TENM4: variants seen among roughly 807,000 people sequenced by gnomAD.
The protein encoded by TENM4 is teneurin transmembrane protein 4, also known as teneurin-4.
TENM4 carries 82 observed loss-of-function variants against 243.3 expected under a neutral mutation model. The ratio of observed to expected loss-of-function variants is 0.34; its 90% CI spans 0.28 to 0.40. TENM4 has a LOEUF of 0.40. TENM4 is among the 10% of genes least tolerant of loss of function. TENM4 has a pLI of 1.00. For missense variants in TENM4, 3,138 were observed against 3,673.3 expected, an observed-to-expected ratio of 0.85 and a Z score of 3.77; for synonymous variants, 1,412 against 1,456.3, an observed-to-expected ratio of 0.97 and a Z score of 0.69.
intron 1 of TENM4, among the ~76,000 whole-genome samples, chr11:79,341,769 A>G (rs1340696953): frequency 6.6e-6 from 1 of 152,226 alleles, no homozygotes; most frequent in African/African-American, 2.4e-5. Context: ...CTTTTCATCA[A>G]ACTAGATTAT....
intron 6 of TENM4, among the ~76,000 whole-genome samples, chr11:78,953,121 C>T (rs981287841): frequency 1.3e-5 from 2 of 152,152 alleles, no homozygotes; most frequent in African/African-American, 4.8e-5. Flanking sequence ...GAAAAAGCAT[C>T]ACAGCGTTTC....
intron 4 of TENM4, among the ~76,000 whole-genome samples, chr11:79,117,441 G>A (rs1861646483): frequency 1.3e-5 from 2 of 152,190 alleles, no homozygotes; most frequent in Non-Finnish European, 2.9e-5. Context: ...GATCATGACA[G>A]AGCCTTGCCT....
chr11:78,974,355 A>G (rs1271566999), intron 6 of TENM4, among the ~76,000 whole-genome samples: 1 of 152,218 alleles, frequency 6.6e-6, no homozygotes, highest in Non-Finnish European at 1.5e-5. Context: ...CCAGGAGGGT[A>G]ATAGCCATCA....
At chr11:79,015,972 G>C (rs1280541848) in intron 6 of TENM4, among the ~76,000 whole-genome samples, 1 of 152,138 alleles carries the variant, frequency 6.6e-6, no homozygotes, top group African/African-American at 2.4e-5. Flanking sequence ...CCAGGAAGGG[G>C]AAGAGCATAT....
At chr11:78,974,729 T>C (rs1276211763) in intron 6 of TENM4, among the ~76,000 whole-genome samples, 1 of 150,954 alleles carries the variant, frequency 6.6e-6, no homozygotes, top group African/African-American at 2.4e-5. Flanking sequence ...TTTTCTTTTT[T>C]TTTTTTTTTG....
At chr11:79,356,148 C>A (rs1264765598) in intron 1 of TENM4, among the ~76,000 whole-genome samples, 2 of 152,152 alleles carry the variant, frequency 1.3e-5, no homozygotes, top group South Asian at 2.1e-4. Context: ...CAGATCCCTG[C>A]CTTGCATCTG....
At chr11:78,954,456 A>G (rs528470329) in intron 6 of TENM4, among the ~76,000 whole-genome samples, 2 of 152,304 alleles carry the variant, frequency 1.3e-5, no homozygotes, top group South Asian at 2.1e-4. Flanking sequence ...AATAGCTTCT[A>G]TTTTCTTTCA....
At chr11:79,316,082 G>T (rs923555658) in intron 1 of TENM4, among the ~76,000 whole-genome samples, 4 of 152,168 alleles carry the variant, frequency 2.6e-5, no homozygotes, top group African/African-American at 9.7e-5. Flanking sequence ...ATGTCTGAAA[G>T]GCGCTGCTTG....
At position 78,666,946 on chromosome 11, in the gene TENM4, TG is replaced by T. The variant is rs1307766381; in HGVS notation, c.7408+1990del. 5.9e-5 allele frequency among the ~76,000 whole-genome samples: 9 copies of T among 152,146 alleles called. No homozygotes were observed. In the East Asian group the frequency reaches 7.7e-4, roughly 13 times the overall value. ...GGAGTAATATTTTGGAAAGATGCAA[TG>T]TTTTTTTTGATAGAAAAGTACATTT... On this transcript the variant is annotated intron_variant, in intron 32 of 33. Transcript: ENST00000278550.
rs1859306833 is a variant in TENM4 at position 78,708,377 on chromosome 11, A to G, written c.4193T>C (p.Val1398Ala). ...CCATCTTACCTGGGAAATATCCATG[A>G]CAGAATCACAGCTGAGTGGCCGGGC... is the stretch of plus-strand genomic sequence containing the variant. ...TSARPLSCDS[V>A]MDISQVHLEW... Residue 1398 changes from valine (V) to alanine (A), a missense_variant, in exon 27 of 34, where the codon GTC becomes GCC. Coordinates refer to ENST00000278550, the MANE Select transcript of TENM4 (RefSeq NM_001098816.3). 6.2e-7 allele frequency: 1 copy of G among 1,613,946 alleles called. No individual in the cohort carries two copies. Among genetic ancestry groups the G allele is most frequent in the Non-Finnish European group, 8.5e-7 (1 of 1,179,910 alleles).
chr11:79,177,564 A>G (rs1020019948), intron 3 of TENM4, among the ~76,000 whole-genome samples: 5 of 152,162 alleles, frequency 3.3e-5, no homozygotes, highest in Non-Finnish European at 7.4e-5. Flanking sequence ...ATAACAAACA[A>G]AACTCTGACA....
At chr11:78,863,262 A>T in intron 9 of TENM4, 130 bp from the exon 10 acceptor site, 1 of 1,072,144 alleles carries the variant, frequency 9.3e-7, no homozygotes, top group South Asian at 2.2e-5. Context: ...TAGCCCCAAA[A>T]GGAAGCTCTT....
intron 1 of TENM4, among the ~76,000 whole-genome samples, chr11:79,437,011 T>G (rs1859284402): frequency 1.3e-5 from 2 of 152,172 alleles, no homozygotes; most frequent in African/African-American, 4.8e-5. Context: ...GGACTTTCAG[T>G]TCCCCAAACA....
At chr11:79,252,852 T>C (rs925096414) in intron 2 of TENM4, among the ~76,000 whole-genome samples, 2 of 152,096 alleles carry the variant, frequency 1.3e-5, no homozygotes, top group African/African-American at 4.8e-5. Context: ...CAGAGCCCAG[T>C]TTAGATCAGC....
At chr11:79,227,119 T>G (rs1379712688) in intron 2 of TENM4, among the ~76,000 whole-genome samples, 1 of 152,214 alleles carries the variant, frequency 6.6e-6, no homozygotes, top group Non-Finnish European at 1.5e-5. Context: ...CACCTCTTAC[T>G]TTGTCTTCGA....
intron 6 of TENM4, among the ~76,000 whole-genome samples, chr11:78,979,859 A>G (rs1056071988): frequency 2.6e-5 from 4 of 152,172 alleles, no homozygotes; most frequent in Non-Finnish European, 5.9e-5. Flanking sequence ...ACCTGAATTG[A>G]GTCACCAAAC....
intron 22 of TENM4, among the ~76,000 whole-genome samples, chr11:78,728,514 T>A (rs1855576340): frequency 6.7e-6 from 1 of 148,510 alleles, no homozygotes. Context: ...CTCCCTCCCT[T>A]CCCTCTTCCC....
chr11:78,662,010 A>G (rs1858043653), intron 32 of TENM4, among the ~76,000 whole-genome samples: 1 of 152,094 alleles, frequency 6.6e-6, no homozygotes. Context: ...CAAAGAGACA[A>G]TTCACTTAAG....
At chr11:79,296,661 T>C (rs1048858612) in intron 2 of TENM4, among the ~76,000 whole-genome samples, 4 of 152,342 alleles carry the variant, frequency 2.6e-5, no homozygotes, top group East Asian at 1.9e-4. Flanking sequence ...TAGAAACAAA[T>C]GTTTTAGATT....
Sources: gnomAD v4.1 joint callset for allele counts (sites outside exome capture counted in the v4.1 genomes callset) on GRCh38, gnomAD v4.1.1 for gene constraint, MANE v1.5 for transcripts, NCBI Gene and HGNC (gene_info 2026-07-23, HGNC 2026-07-21) for gene names.